TTLL5: variants seen among roughly 807,000 people sequenced by gnomAD.
TTLL5 encodes the protein tubulin polyglutamylase TTLL5.
In TTLL5, 132 loss-of-function variants were observed where a neutral mutation model predicts 168.4. The observed-to-expected ratio is 0.78, with a 90% CI of 0.68 to 0.91. TTLL5 has a LOEUF of 0.91. TTLL5 is among the 40% of genes least tolerant of loss of function. The pLI is 0.00. For synonymous variants in TTLL5, 546 were observed against 558.6 expected (o/e 0.98, Z 0.32); for missense variants, 1,545 against 1,581.5 (o/e 0.98, Z 0.39).
intron 24 of TTLL5, among the ~76,000 whole-genome samples, chr14:75,780,010 C>T (rs978267927): frequency 6.6e-6 from 1 of 151,974 alleles, no homozygotes; most frequent in Non-Finnish European, 1.5e-5. Context: ...TTTTTACTTC[C>T]CAAAACCATA....
intron 15 of TTLL5, chr14:75,737,650 C>G (rs1412353130): frequency 1.3e-6 from 2 of 1,519,254 alleles, no homozygotes; most frequent in Admixed American, 2.1e-5. Context: ...ATTTTATTTT[C>G]ATTCTCCAAA....
At chr14:75,777,636 TA>T (rs2140320842) in intron 23 of TTLL5, among the ~76,000 whole-genome samples, 1 of 152,158 alleles carries the variant, frequency 6.6e-6, no homozygotes, top group East Asian at 1.9e-4. Context: ...ACCATTAAAA[TA>T]AAATAGGATA....
chr14:75,944,042 T>G (rs1268926357), intron 31 of TTLL5, among the ~76,000 whole-genome samples: 1 of 152,176 alleles, frequency 6.6e-6, no homozygotes. Context: ...CTCTTCTAAG[T>G]GTGCTTTCCT....
chr14:75,764,629 G>T lies in TTLL5; in HGVS notation c.1565G>T (p.Gly522Val). The change falls in exon 19 of 32, where the codon GGA (glycine) becomes GTA (valine). Residue 522 changes from glycine to valine, a missense_variant. Transcript: ENST00000298832. ...TTTTCCCCTAGAATGACTGCTGATG[G>T]AGCGCCAGAATTGAAGATAGAGAGT... is the stretch of plus-strand genomic sequence containing the variant. ...RLFQDRMTADGAPELKIESLN... is the reference protein window; with the variant it reads ...RLFQDRMTADVAPELKIESLN... 6.2e-7 allele frequency: 1 copy of T among 1,614,076 alleles called. No individual in the cohort carries two copies. The highest frequency in any genetic ancestry group is 1.1e-5 in the South Asian group (1 of 91,066).
intron 29 of TTLL5, among the ~76,000 whole-genome samples, chr14:75,881,802 A>T (rs1230400708): frequency 6.6e-6 from 1 of 152,218 alleles, no homozygotes; most frequent in East Asian, 1.9e-4. Flanking sequence ...TATTAATAGT[A>T]TTGAAAGACT....
At position 75,766,226 on chromosome 14, in the gene TTLL5, T is replaced by G; in HGVS notation, c.1873T>G (p.Leu625Val). 1.9e-6 allele frequency: 3 copies of G among 1,613,978 alleles called. No homozygotes were observed. In the African/African-American group the frequency reaches 4.0e-5, roughly 22 times the overall value. Reference protein sequence around the residue: ...QAKYTPSLTALVENTPKENSM... With the variant: ...QAKYTPSLTAVVENTPKENSM... Reference sequence around the variant, plus strand: ...CAAATATACACCCTCATTGACAGCTTTGGTAGAAAATACACCCAAAGAAAA... The same window carrying G: ...CAAATATACACCCTCATTGACAGCTGTGGTAGAAAATACACCCAAAGAAAA... The change falls in exon 20 of 32, where the codon TTG becomes GTG. Residue 625 changes from leucine to valine, a missense_variant. Coordinates refer to ENST00000298832, the MANE Select transcript of TTLL5 (RefSeq NM_015072.5).
chr14:75,766,415 T>A (rs1890971330), intron 20 of TTLL5, 47 bp downstream of exon 20: 1 of 1,493,340 alleles, frequency 6.7e-7, no homozygotes, highest in African/African-American at 1.4e-5. Context: ...AACAGCTAAC[T>A]TGTACTGTGT....
At chr14:75,952,310 AC>A (rs1351684212) in intron 31 of TTLL5, among the ~76,000 whole-genome samples, 4 of 152,008 alleles carry the variant, frequency 2.6e-5, no homozygotes, top group Non-Finnish European at 5.9e-5. Context: ...CCCCATCTGC[AC>A]CAAAAAAAAG....
At chr14:75,859,012 C>T (rs969015655) in intron 28 of TTLL5, among the ~76,000 whole-genome samples, 1 of 152,182 alleles carries the variant, frequency 6.6e-6, no homozygotes, top group Admixed American at 6.5e-5. Flanking sequence ...CAGTTGCAAG[C>T]ACGATCAAAA....
intron 27 of TTLL5, among the ~76,000 whole-genome samples, chr14:75,806,543 C>T (rs1302997911): frequency 6.6e-6 from 1 of 152,214 alleles, no homozygotes; most frequent in Admixed American, 6.5e-5. Flanking sequence ...TGTTAGTCTC[C>T]ATGCCTTATG....
At chr14:75,860,490 A>G (rs963465669) in intron 28 of TTLL5, among the ~76,000 whole-genome samples, 2 of 152,240 alleles carry the variant, frequency 1.3e-5, no homozygotes, top group African/African-American at 4.8e-5. Context: ...GTAGCTAGCA[A>G]CTTCTGTAAC....
chr14:75,808,408 A>G (rs1023669461), intron 27 of TTLL5, among the ~76,000 whole-genome samples: 2 of 152,170 alleles, frequency 1.3e-5, no homozygotes, highest in African/African-American at 4.8e-5. Context: ...TTATTTTATC[A>G]GCATCCAGGA....
At chr14:75,770,025 A>C (rs1371267754) in intron 20 of TTLL5, among the ~76,000 whole-genome samples, 2 of 151,918 alleles carry the variant, frequency 1.3e-5, no homozygotes, top group Admixed American at 1.3e-4. Context: ...TTAAAATACA[A>C]AAATTAGCTG....
rs552310658 is a variant in TTLL5, at chr14:75,748,091, G to T, written c.1487+2510G>T. Among the ~76,000 whole-genome samples the T allele has an allele frequency of 8.5e-5, 13 of 152,194 alleles. No homozygotes were observed. In the East Asian group the frequency reaches 2.1e-3, roughly 25 times the overall value. Reference sequence around the variant, plus strand: ...CAGAAATGTAGGGCAGTTGTACTTCGTGTATTTCCCTCTGTCAGAGATCAC... The same window carrying T: ...CAGAAATGTAGGGCAGTTGTACTTCTTGTATTTCCCTCTGTCAGAGATCAC... On this transcript the variant is annotated intron_variant, in intron 17 of 31. Coordinates refer to ENST00000298832, the MANE Select transcript of TTLL5 (RefSeq NM_015072.5).
intron 28 of TTLL5, among the ~76,000 whole-genome samples, chr14:75,827,293 G>A (rs1895230925): frequency 1.3e-5 from 2 of 152,098 alleles, no homozygotes; most frequent in Admixed American, 1.3e-4. Context: ...TATTATAGCA[G>A]GGAAAGCAGT....
chr14:75,684,525 CAG>C (rs1014133578), intron 5 of TTLL5: 1 of 152,032 alleles, frequency 6.6e-6, no homozygotes, highest in Admixed American at 6.6e-5. Flanking sequence ...ATTTTGATGA[CAG>C]ATCATTTTAT....
At chr14:75,696,550 T>A (rs1885889370) in intron 6 of TTLL5, among the ~76,000 whole-genome samples, 1 of 152,252 alleles carries the variant, frequency 6.6e-6, no homozygotes, top group African/African-American at 2.4e-5. Flanking sequence ...GGCCTCACTT[T>A]ATGGAAATTT....
chr14:75,953,551 C>A (rs2035024473), intron 31 of TTLL5, among the ~76,000 whole-genome samples: 1 of 152,052 alleles, frequency 6.6e-6, no homozygotes, highest in Non-Finnish European at 1.5e-5. Flanking sequence ...AGGATAAACA[C>A]AAAATTCAGG....
At chr14:75,786,180 A>G (rs955946439) in intron 26 of TTLL5, among the ~76,000 whole-genome samples, 4 of 152,148 alleles carry the variant, frequency 2.6e-5, no homozygotes, top group Admixed American at 2.6e-4. Flanking sequence ...ATTCTGGGTG[A>G]TCTTGTTCTT....
Sources: allele counts gnomAD v4.1 joint callset (sites outside exome capture counted in the v4.1 genomes callset), GRCh38; gene constraint gnomAD v4.1.1; transcripts MANE v1.5; gene names NCBI Gene and HGNC (gene_info 2026-07-23, HGNC 2026-07-21).